ABCB7: variants seen among roughly 807,000 people sequenced by gnomAD.
The protein encoded by ABCB7 is iron-sulfur clusters transporter ABCB7, mitochondrial.
Under a neutral mutation model 54.4 loss-of-function variants are expected in ABCB7, and 7 were observed. The ratio of observed to expected loss-of-function variants is 0.13; its 90% confidence interval spans 0.07 to 0.24. The LOEUF is 0.24. ABCB7 is among the 10% of genes least tolerant of loss of function. The pLI is 1.00. For synonymous variants in ABCB7, 218 were observed against 207.1 expected (o/e 1.05, Z -0.45); for missense variants, 356 against 570.4 (o/e 0.62, Z 3.83).
chrX:75,076,469 A>C lies in ABCB7; in HGVS notation c.586+53T>G, dbSNP rs1272526094. The C allele has an allele frequency of 5.9e-6, 7 of 1,190,749 alleles. No individual in the cohort carries two copies. The East Asian group carries it at 2.1e-4, about 36-fold the overall frequency. On this transcript the variant is annotated intron_variant, in intron 5 of 15. Transcript: ENST00000373394. ...AAGGTCATCTGCTCAAATATGATGAAACCTCCTTGAAGAAAGTCAACACCT... is the reference window on the plus strand; with the variant it reads ...AAGGTCATCTGCTCAAATATGATGACACCTCCTTGAAGAAAGTCAACACCT...
chrX:75,073,814 T>C (rs185068563), intron 7 of ABCB7, 38 bp from the exon 8 acceptor site: 2 of 1,187,213 alleles, frequency 1.7e-6, no homozygotes, highest in African/African-American at 3.5e-5. Context: ...GAAATACATG[T>C]TATAAAAGCA....
rs747335820 is a variant in ABCB7, at chrX:75,058,135, C to A, written c.2043+2088G>T. ...TAATTCTGTTACTTTCAACCTCATGCTTATCGCCACTTTTCATCATATCTG... is the reference window on the plus strand; with the variant it reads ...TAATTCTGTTACTTTCAACCTCATGATTATCGCCACTTTTCATCATATCTG... On this transcript the variant is annotated intron_variant, in intron 15 of 15. Coordinates refer to ENST00000373394, the MANE Select transcript of ABCB7 (RefSeq NM_001271696.3). Among the ~76,000 whole-genome samples, 13 of 111,570 alleles carry A rather than the reference C, an allele frequency of 1.2e-4. No homozygotes were observed. The South Asian group carries it at 4.9e-3, about 42-fold the overall frequency.
intron 1 of ABCB7, among the ~76,000 whole-genome samples, chrX:75,130,382 A>C (rs2081966020): frequency 8.9e-6 from 1 of 112,171 alleles, no homozygotes; most frequent in African/African-American, 3.2e-5. Flanking sequence ...AACTAACAAC[A>C]ACCAGGGGAG....
intron 1 of ABCB7, among the ~76,000 whole-genome samples, chrX:75,137,831 T>C (rs1330658818): frequency 9.0e-6 from 1 of 111,412 alleles, no homozygotes; most frequent in East Asian, 2.8e-4. Context: ...TGAGTACACA[T>C]GGACACTCAG....
At chrX:75,097,530 C>G (rs187617643) in intron 4 of ABCB7, 32 of 111,773 alleles carry the variant, frequency 2.9e-4, no homozygotes, top group Non-Finnish European at 5.6e-4. Context: ...TTGTTCATAT[C>G]TGAACACTCT....
intron 1 of ABCB7, among the ~76,000 whole-genome samples, chrX:75,145,940 G>A (rs760845500): frequency 1.4e-4 from 15 of 109,226 alleles, no homozygotes; most frequent in Admixed American, 2.0e-4. Flanking sequence ...AGTCAAGGCC[G>A]GCTCTAAAAA....
chrX:75,136,261 A>C (rs146740765), intron 1 of ABCB7, among the ~76,000 whole-genome samples: 7 of 111,515 alleles, frequency 6.3e-5, no homozygotes, highest in African/African-American at 2.3e-4. Flanking sequence ...AACAAAAAGA[A>C]TATAATGCCT....
chrX:75,055,468 A>G (rs2081229993), intron 15 of ABCB7, among the ~76,000 whole-genome samples: 1 of 97,101 alleles, frequency 1.0e-5, no homozygotes, highest in Non-Finnish European at 2.0e-5. Context: ...GTTCTTTGGG[A>G]GGCCGAGATG....
intron 3 of ABCB7, among the ~76,000 whole-genome samples, chrX:75,101,254 G>T (rs748305076): frequency 9.2e-6 from 1 of 108,973 alleles, no homozygotes; most frequent in East Asian, 2.9e-4. Flanking sequence ...AGGAACGGGG[G>T]GAAATTGTCA....
At position 75,075,327 on chromosome X, in the gene ABCB7, A is replaced by C. The variant is rs367989224; in HGVS notation, c.855+35T>G. The C allele has an allele frequency of 5.0e-5, 59 of 1,191,214 alleles. No homozygotes were observed. In the African/African-American group the frequency reaches 9.7e-4, roughly 20 times the overall value. Reference sequence around the variant, plus strand: ...TTCAATTGCTACTAATGAGAATTTAAGATAAAAGCTTGTTATGAAAAATGT... The same window carrying C: ...TTCAATTGCTACTAATGAGAATTTACGATAAAAGCTTGTTATGAAAAATGT... On this transcript the variant is annotated intron_variant, in intron 6 of 15. Transcript: ENST00000373394.
chrX:75,093,317 GAA>G (rs1419327048), intron 4 of ABCB7, among the ~76,000 whole-genome samples: 3 of 111,610 alleles, frequency 2.7e-5, no homozygotes, highest in African/African-American at 9.8e-5. Flanking sequence ...AAGCCAGTCT[GAA>G]AAAGCTACAT....
At chrX:75,121,928 A>C (rs925468262) in intron 1 of ABCB7, among the ~76,000 whole-genome samples, 7 of 111,602 alleles carry the variant, frequency 6.3e-5, no homozygotes, top group Admixed American at 5.7e-4. Flanking sequence ...ACAGTTAGGC[A>C]GGAAGATCAT....
chrX:75,153,116 C>A, intron 1 of ABCB7, among the ~76,000 whole-genome samples: 1 of 110,738 alleles, frequency 9.0e-6, no homozygotes, highest in Non-Finnish European at 1.9e-5. Flanking sequence ...CTTGCTCTGT[C>A]GCCCAGGCTG....
intron 2 of ABCB7, 119 bp from the exon 3 acceptor site, chrX:75,113,091 T>C (rs2081776865): frequency 3.4e-6 from 2 of 583,635 alleles, no homozygotes; most frequent in Non-Finnish European, 2.9e-6. Flanking sequence ...AGGTATAGTA[T>C]TTAGTCTGGC....
At chrX:75,060,914 G>A (rs1472644741) in intron 14 of ABCB7, among the ~76,000 whole-genome samples, 2 of 111,733 alleles carry the variant, frequency 1.8e-5, no homozygotes, top group African/African-American at 3.2e-5. Flanking sequence ...TTTATTCCCT[G>A]TAAAGTATAA....
rs756677240 is a variant in ABCB7 at position 75,062,442 on chromosome X, A to G, written c.1832-11T>C. 4 of 1,181,471 alleles carry G rather than the reference A, an allele frequency of 3.4e-6. No homozygotes were observed. The highest frequency in any genetic ancestry group is 4.6e-6 in the Non-Finnish European group (4 of 868,326). On this transcript the variant is annotated splice_polypyrimidine_tract_variant and intron_variant, in intron 13 of 15. Transcript: ENST00000373394. The stretch of plus-strand genomic sequence containing the variant: ...TTTGCTTTTCTCCTCCTGGTAAAGG[A>G]AAATTTTACTTTAAGGAAGCATAGT...
intron 4 of ABCB7, among the ~76,000 whole-genome samples, chrX:75,090,818 A>T (rs771955742): frequency 1.3e-4 from 14 of 111,505 alleles, no homozygotes; most frequent in African/African-American, 3.9e-4. Context: ...TATGAAAATT[A>T]AAAGATAATT....
At position 75,144,616 on chromosome X, in the gene ABCB7, CT is replaced by C. The variant is rs67676485; in HGVS notation, c.168+11488del. On this transcript the variant is annotated intron_variant, in intron 1 of 15. Transcript: ENST00000373394. Reference sequence around the variant, plus strand: ...TTATACTGACCTATTAGCATAGCTGCTTTTTTTTTTTTTGGCTTTTCTGTAT... The same window carrying C: ...TTATACTGACCTATTAGCATAGCTGCTTTTTTTTTTTTGGCTTTTCTGTAT... 1.8e-3 allele frequency among the ~76,000 whole-genome samples: 176 copies of C among 100,018 alleles called. 1 individual carries two copies. The highest frequency in any genetic ancestry group is 3.3e-3 in the South Asian group (7 of 2,128). The allele number at this position is 100,018 out of a possible 115,157, so 86.9% of individuals were successfully genotyped here. A position where few individuals can be genotyped will look rare whatever the true frequency, so the allele number is the denominator to read the frequency against.
In ABCB7 at chrX:75,122,861, G is replaced by GGTGTGTGTGTGTGTGT. The variant is rs58879235; in HGVS notation, c.169-8046_169-8031dup. Among the ~76,000 whole-genome samples, 1,667 of 93,092 alleles carry GGTGTGTGTGTGTGTGT rather than the reference G, an allele frequency of 0.018. 60 individuals carry two copies. In the East Asian group the frequency reaches 0.2, roughly 11 times the overall value. The allele number at this position is 93,092 out of a possible 115,157, so 80.8% of individuals were successfully genotyped here. On this transcript the variant is annotated intron_variant, in intron 1 of 15. Coordinates refer to ENST00000373394, the MANE Select transcript of ABCB7 (RefSeq NM_001271696.3). The stretch of plus-strand genomic sequence containing the variant: ...AGTCCTTTGCCCATTTTAAAATTGG[G>GGTGTGTGTGTGTGTGT]GTGTGTGTGTGTGTGTGTGTGTGTG...
Sources: gnomAD v4.1 joint callset for allele counts (sites outside exome capture counted in the v4.1 genomes callset) on GRCh38, gnomAD v4.1.1 for gene constraint, MANE v1.5 for transcripts, NCBI Gene and HGNC (gene_info 2026-07-23, HGNC 2026-07-21) for gene names.